ARL14EPL: variants seen among roughly 807,000 people sequenced by gnomAD.
ARL14EPL encodes the protein ARL14 effector protein-like.
A neutral mutation model predicts 15.9 loss-of-function variants in ARL14EPL; 17 were observed. The ratio of observed to expected loss-of-function variants is 1.07; its 90% confidence interval spans 0.73 to 1.60. ARL14EPL has a LOEUF of 1.60. Ranked by LOEUF, ARL14EPL falls within the 40% of genes most tolerant of loss-of-function variation. The pLI is 0.00. For synonymous variants in ARL14EPL, 78 were observed against 63.8 expected (o/e 1.22, Z -1.06); for missense variants, 214 against 185.9 (o/e 1.15, Z -0.88).
At position 116,046,622 on chromosome 5, in the gene ARL14EPL, A is replaced by G. The variant is rs548323095; in HGVS notation, c.-9-4835A>G. On this transcript the variant is annotated intron_variant, in intron 1 of 3. Transcript: ENST00000686077. ...TAAACATCATGTATCCATCATAGAT[A>G]ATTCAGCCATCATGGCTCCTATGTA... Among the ~76,000 whole-genome samples the G allele has an allele frequency of 1.3e-3, 200 of 152,332 alleles. 1 individual carries two copies. Among genetic ancestry groups the G allele is most frequent in the African/African-American group, 4.7e-3 (196 of 41,584 alleles).
chr5:116,044,337 G>T (rs1048585666), intron 1 of ARL14EPL, among the ~76,000 whole-genome samples: 5 of 152,152 alleles, frequency 3.3e-5, no homozygotes, highest in African/African-American at 1.2e-4. Context: ...CCTGGTGGCA[G>T]AGGACAATGT....
intron 1 of ARL14EPL, among the ~76,000 whole-genome samples, chr5:116,043,847 G>A (rs1749213475): frequency 6.6e-6 from 1 of 152,090 alleles, no homozygotes; most frequent in African/African-American, 2.4e-5. Flanking sequence ...GGCCCTTGAT[G>A]TTTTTGTTGT....
intron 3 of ARL14EPL, among the ~76,000 whole-genome samples, chr5:116,056,903 G>T (rs1405189358): frequency 1.3e-5 from 2 of 152,118 alleles, no homozygotes; most frequent in African/African-American, 4.8e-5. Flanking sequence ...GTTAAATAGG[G>T]AATCCTCCCT....
At chr5:116,045,861 CAT>C (rs1169841851) in intron 1 of ARL14EPL, among the ~76,000 whole-genome samples, 30 of 151,738 alleles carry the variant, frequency 2.0e-4, no homozygotes, top group Middle Eastern at 6.8e-3. Context: ...AGAGCATTAA[CAT>C]TGATTATCTA....
intron 3 of ARL14EPL, among the ~76,000 whole-genome samples, chr5:116,055,412 A>C (rs370889206): frequency 1.6e-4 from 25 of 152,334 alleles, no homozygotes; most frequent in East Asian, 5.8e-4. Context: ...AATAATCCAA[A>C]TGTCCATCAA....
intron 1 of ARL14EPL, among the ~76,000 whole-genome samples, chr5:116,040,507 G>A (rs1749129602): frequency 6.6e-6 from 1 of 151,602 alleles, no homozygotes; most frequent in African/African-American, 2.4e-5. Flanking sequence ...AGAACAAAAT[G>A]TGTCCTAGGA....
rs116510685 is a variant in ARL14EPL, at chr5:116,038,002, A to G, written c.-10+5497A>G. ...TGTGTTTGTGAACCTTAAGGTTTGC[A>G]TTGCCTATCATGCACAGCAGGAATA... is the stretch of plus-strand genomic sequence containing the variant. On this transcript the variant is annotated intron_variant, in intron 1 of 3. Transcript: ENST00000686077. Among the ~76,000 whole-genome samples the G allele has an allele frequency of 2.6e-3, 396 of 152,304 alleles. 1 individual carries two copies. Among genetic ancestry groups the G allele is most frequent in the African/African-American group, 9.1e-3 (377 of 41,566 alleles).
intron 1 of ARL14EPL, among the ~76,000 whole-genome samples, chr5:116,045,351 G>A (rs138375490): frequency 1.1e-3 from 164 of 152,282 alleles, no homozygotes; most frequent in African/African-American, 3.8e-3. Context: ...TATTTACCAG[G>A]TTAATGCTGA....
rs977371304 is a variant in ARL14EPL at position 116,051,392 on chromosome 5, A to G, written c.-9-65A>G. On this transcript the variant is annotated intron_variant, in intron 1 of 3. Coordinates refer to ENST00000686077, the MANE Select transcript of ARL14EPL (RefSeq NM_001195581.2). ...CGTGTAGGGAGAGTAGAAAAGAATC[A>G]CCAGATATAGTTACTGGAGATAGAT... 9 of 965,524 alleles carry G rather than the reference A, an allele frequency of 9.3e-6. No homozygotes were observed. The Admixed American group carries it at 2.0e-4, about 21-fold the overall frequency. 59.8% of individuals were successfully genotyped at this position (965,524 alleles called of 1,614,324 possible).
At chr5:116,032,800 T>C (rs1258232760) in intron 1 of ARL14EPL, among the ~76,000 whole-genome samples, 1 of 152,070 alleles carries the variant, frequency 6.6e-6, no homozygotes, top group African/African-American at 2.4e-5. Flanking sequence ...TGGTGGTTTT[T>C]GTTTTTGTTT....
chr5:116,058,884 C>T lies in ARL14EPL; in HGVS notation c.396C>T (p.Tyr132=), dbSNP rs1382148021. 42 of 1,535,948 alleles carry T rather than the reference C, an allele frequency of 2.7e-5. No individual in the cohort carries two copies. Among genetic ancestry groups the T allele is most frequent in the Non-Finnish European group, 3.3e-5 (38 of 1,146,902 alleles). The change falls in exon 4 of 4, where the codon TAC becomes TAT. Residue 132 remains tyrosine, a synonymous_variant. Transcript: ENST00000686077. ...PECRCNRRWV[Y]DAIVTESGEV... ...GCCGCTGCAACCGACGGTGGGTTTA[C>T]GATGCCATCGTCACTGAGTCAGGAG...
At chr5:116,055,070 A>G (rs181512180) in intron 3 of ARL14EPL, among the ~76,000 whole-genome samples, 45 of 152,278 alleles carry the variant, frequency 3.0e-4, no homozygotes, top group Middle Eastern at 3.4e-3. Context: ...ACAAATTAAT[A>G]AAATGATAAA....
intron 1 of ARL14EPL, among the ~76,000 whole-genome samples, chr5:116,033,996 G>A (rs1263184429): frequency 6.6e-6 from 1 of 152,138 alleles, no homozygotes; most frequent in Non-Finnish European, 1.5e-5. Context: ...GCAATGAGAT[G>A]AGGCTGTCAC....
intron 3 of ARL14EPL, among the ~76,000 whole-genome samples, chr5:116,056,474 G>T (rs957190840): frequency 6.6e-6 from 1 of 152,086 alleles, no homozygotes; most frequent in Non-Finnish European, 1.5e-5. Context: ...CATATCCTTC[G>T]CCCACTTGTT....
intron 3 of ARL14EPL, among the ~76,000 whole-genome samples, chr5:116,055,237 C>T (rs1301334240): frequency 3.3e-5 from 5 of 152,142 alleles, no homozygotes. Flanking sequence ...TAAAAAGGTA[C>T]AACCACTATT....
intron 1 of ARL14EPL, among the ~76,000 whole-genome samples, chr5:116,045,013 G>C (rs1245459648): frequency 1.2e-4 from 18 of 152,126 alleles, no homozygotes; most frequent in Admixed American, 1.2e-3. Context: ...AAGAAGCAGG[G>C]AGTAATAGAA....
chr5:116,053,373 G>GAA (rs11302504), intron 2 of ARL14EPL, among the ~76,000 whole-genome samples: 9 of 141,588 alleles, frequency 6.4e-5, no homozygotes, highest in East Asian at 2.1e-4. Flanking sequence ...GAAAAGAAAG[G>GAA]AAAAAAAAAA....
intron 1 of ARL14EPL, among the ~76,000 whole-genome samples, chr5:116,036,886 C>T (rs1251219131): frequency 6.6e-6 from 1 of 151,920 alleles, no homozygotes; most frequent in Non-Finnish European, 1.5e-5. Flanking sequence ...TTTATTGATG[C>T]ATTTTGAATA....
intron 2 of ARL14EPL, 108 bp downstream of exon 2, chr5:116,051,669 C>A (rs543399756): frequency 1.1e-6 from 1 of 937,538 alleles, no homozygotes; most frequent in Middle Eastern, 2.2e-4. Context: ...CAGGACCTCA[C>A]AGGGAGGAGC....
Sources: allele counts gnomAD v4.1 joint callset (sites outside exome capture counted in the v4.1 genomes callset), GRCh38; gene constraint gnomAD v4.1.1; transcripts MANE v1.5; gene names NCBI Gene and HGNC (gene_info 2026-07-23, HGNC 2026-07-21).